The following POU3F3 variants were observed in gnomAD, a reference collection of about 807,000 sequenced individuals.
The protein encoded by POU3F3 is POU domain, class 3, transcription factor 3.
A neutral mutation model predicts 8.6 loss-of-function variants in POU3F3; 1 was observed. The ratio of observed to expected loss-of-function variants is 0.12; its 90% CI spans 0.04 to 0.55. POU3F3 has a LOEUF of 0.55. POU3F3 is among the 20% of genes least tolerant of loss of function. The pLI is 0.91. For synonymous variants in POU3F3, 418 were observed against 327.4 expected (o/e 1.28, Z -2.99); for missense variants, 577 against 690.7 (o/e 0.84, Z 1.84).
the POU3F3 span, among the ~76,000 whole-genome samples, chr2:104,877,513 C>T: frequency 1.3e-5 from 2 of 152,158 alleles, no homozygotes; most frequent in East Asian, 1.9e-4. Flanking sequence ...CATATTTACA[C>T]AGCTCCATTC....
the POU3F3 span, among the ~76,000 whole-genome samples, chr2:104,892,058 C>A: frequency 6.6e-6 from 1 of 152,136 alleles, no homozygotes; most frequent in Non-Finnish European, 1.5e-5. Context: ...CCGATCAAAC[C>A]CCCTGATGAT....
the POU3F3 span, among the ~76,000 whole-genome samples, chr2:104,893,883 CA>C: frequency 0.4 from 35,079 of 87,910 alleles, 4,012 homozygotes; most frequent in Middle Eastern, 0.47. Context: ...AACTCTGTCT[CA>C]AAAAAAAAAA....
At chr2:104,904,223 C>T in the POU3F3 span, among the ~76,000 whole-genome samples, 19 of 152,232 alleles carry the variant, frequency 1.2e-4, no homozygotes, top group Non-Finnish European at 2.5e-4. Context: ...CTGTGGGGAA[C>T]GGTTGGAGGG....
At chr2:104,878,326 G>A in the POU3F3 span, among the ~76,000 whole-genome samples, 1 of 152,172 alleles carries the variant, frequency 6.6e-6, no homozygotes, top group African/African-American at 2.4e-5. Flanking sequence ...TTTCAATGGA[G>A]TGGATCCTTT....
At chr2:104,864,870 G>C in the POU3F3 span, among the ~76,000 whole-genome samples, 2 of 152,210 alleles carry the variant, frequency 1.3e-5, no homozygotes, top group African/African-American at 2.4e-5. Context: ...GTTAGTTGTA[G>C]TTGCTGTCAC....
chr2:104,901,659 C>T, the POU3F3 span, among the ~76,000 whole-genome samples: 25 of 152,174 alleles, frequency 1.6e-4, no homozygotes, highest in Non-Finnish European at 3.2e-4. Context: ...GTCTCCAGTC[C>T]CCGAGCAGTT....
upstream of POU3F3, among the ~76,000 whole-genome samples, chr2:104,853,985 C>A (rs999914309): frequency 6.6e-6 from 1 of 152,156 alleles, no homozygotes; most frequent in East Asian, 1.9e-4. Flanking sequence ...GGGGGCCTCG[C>A]GTCCTGAGCC....
the POU3F3 span, among the ~76,000 whole-genome samples, chr2:104,912,307 G>A: frequency 4.6e-5 from 7 of 152,196 alleles, no homozygotes; most frequent in Admixed American, 2.0e-4. Context: ...AGCCTCCATC[G>A]TAGCTGAGAT....
In POU3F3 at chr2:104,856,046, C is replaced by G. The variant is rs1181582242; in HGVS notation, c.536C>G (p.Pro179Arg). Residue 179 changes from proline to arginine, a missense_variant, in exon 1 of 1, where the codon CCA becomes CGA. Pro to Arg is a moderately radical substitution (Grantham distance 103). This residue lies in a region of POU3F3 where 484 missense variants were observed against 422.6 expected (regional missense o/e 1.15). Transcript: ENST00000361360. ...CACCTCGGACCCCCGCCGCCGCCCC[C>G]ACACCAGGGCCACCCTGGGGGCTGG... Reference protein sequence around the residue: ...PPHLGPPPPPPHQGHPGGWGA... With the variant: ...PPHLGPPPPPRHQGHPGGWGA... 1.0e-6 allele frequency: 1 copy of G among 990,732 alleles called. No homozygotes were observed. Among genetic ancestry groups the G allele is most frequent in the East Asian group, 1.1e-4 (1 of 8,974 alleles). 61.4% of individuals were successfully genotyped at this position (990,732 alleles called of 1,614,324 possible).
At chr2:104,863,159 AATTATTATTATTATT>A (rs3056838), downstream of POU3F3, among the ~76,000 whole-genome samples, 508 of 134,836 alleles carry the variant, frequency 3.8e-3, 5 homozygotes, top group African/African-American at 0.012. Context: ...TCATAATAAC[AATTATTATTATTATT>A]ATTATTATTA....
the POU3F3 span, among the ~76,000 whole-genome samples, chr2:104,915,094 C>T: frequency 3.3e-5 from 5 of 152,166 alleles, no homozygotes; most frequent in South Asian, 2.1e-4. Flanking sequence ...TGCACAAAGG[C>T]GTGGCAAGAG....
rs897533109 is a variant in POU3F3 at position 104,856,044 on chromosome 2, C to T, written c.534C>T (p.Pro178=). Residue 178 remains proline, a synonymous_variant, in exon 1 of 1, where the codon CCC becomes CCT. Coordinates refer to ENST00000361360, the MANE Select transcript of POU3F3 (RefSeq NM_006236.3). ...GPPHLGPPPP[P]PHQGHPGGWG... ...CGCACCTCGGACCCCCGCCGCCGCC[C>T]CCACACCAGGGCCACCCTGGGGGCT... is the stretch of plus-strand genomic sequence containing the variant. The T allele has an allele frequency of 9.4e-5, 93 of 991,466 alleles. No individual in the cohort carries two copies. The African/African-American group carries it at 1.6e-3, about 17-fold the overall frequency. The allele number at this position is 991,466 out of a possible 1,614,324, so 61.4% of individuals were successfully genotyped here. A position where few individuals can be genotyped will look rare whatever the true frequency, so the allele number is the denominator to read the frequency against.
At chr2:104,858,954 C>A (rs1306574933), downstream of POU3F3, among the ~76,000 whole-genome samples, 1 of 151,836 alleles carries the variant, frequency 6.6e-6, no homozygotes, top group East Asian at 1.9e-4. Context: ...ACAGCCCCTC[C>A]CCCCAAGTTC....
the POU3F3 span, among the ~76,000 whole-genome samples, chr2:104,924,145 C>T: frequency 6.6e-6 from 1 of 152,128 alleles, no homozygotes; most frequent in Non-Finnish European, 1.5e-5. Flanking sequence ...TGGTAAATTT[C>T]ATGTTATGTG....
the POU3F3 span, among the ~76,000 whole-genome samples, chr2:104,896,046 G>A: frequency 5.3e-5 from 8 of 152,166 alleles, no homozygotes; most frequent in Admixed American, 2.0e-4. Flanking sequence ...AGTTAGCACC[G>A]GGAAGCCTGA....
chr2:104,874,246 G>A, the POU3F3 span, among the ~76,000 whole-genome samples: 1 of 152,166 alleles, frequency 6.6e-6, no homozygotes, highest in South Asian at 2.1e-4. Flanking sequence ...ATGACCAGTG[G>A]TGAAGCCCAG....
chr2:104,876,957 G>A, the POU3F3 span, among the ~76,000 whole-genome samples: 7 of 152,192 alleles, frequency 4.6e-5, no homozygotes, highest in Non-Finnish European at 8.8e-5. Context: ...GCCCTCCCCT[G>A]TAATTGCTCC....
chr2:104,918,708 ATC>A, the POU3F3 span, among the ~76,000 whole-genome samples: 1 of 36,806 alleles, frequency 2.7e-5, no homozygotes, highest in Non-Finnish European at 4.9e-5. Flanking sequence ...CAACACCTGG[ATC>A]TCAGGCTTCC....
At chr2:104,871,088 A>G in the POU3F3 span, among the ~76,000 whole-genome samples, 3 of 152,208 alleles carry the variant, frequency 2.0e-5, no homozygotes, top group Admixed American at 6.5e-5. Context: ...AAGAATTAAA[A>G]CACTTGTTCC....
Sources: allele counts gnomAD v4.1 joint callset (sites outside exome capture counted in the v4.1 genomes callset), GRCh38; gene constraint gnomAD v4.1.1; regional missense constraint gnomAD v4.1.1; transcripts MANE v1.5; gene names NCBI Gene and HGNC (gene_info 2026-07-23, HGNC 2026-07-21).